The following EMILIN2 variants were observed in gnomAD, a reference collection of about 807,000 sequenced individuals.
EMILIN2 encodes EMILIN-2.
In EMILIN2, 71 loss-of-function variants were observed where a neutral mutation model predicts 87.1. That is an observed-to-expected ratio of 0.82 (90% CI 0.67 to 0.99). The LOEUF is 0.99. EMILIN2 is among the 50% of genes least tolerant of loss of function. EMILIN2 has a pLI of 0.00. For synonymous variants in EMILIN2, 581 were observed against 563.4 expected (o/e 1.03, Z -0.44); for missense variants, 1,407 against 1,371.8 (o/e 1.03, Z -0.40).
intron 2 of EMILIN2, among the ~76,000 whole-genome samples, chr18:2,868,395 G>T (rs1025230278): frequency 6.6e-6 from 1 of 152,248 alleles, no homozygotes. Context: ...CCCCGACAGG[G>T]TGGCGGCTGG....
intron 4 of EMILIN2, among the ~76,000 whole-genome samples, chr18:2,902,736 T>C (rs1487989831): frequency 6.6e-6 from 1 of 152,192 alleles, no homozygotes; most frequent in Admixed American, 6.5e-5. Context: ...ATTAGAATGC[T>C]TTCTAAGAGC....
chr18:2,908,466 G>C (rs1368650073), intron 5 of EMILIN2, among the ~76,000 whole-genome samples: 1 of 152,046 alleles, frequency 6.6e-6, no homozygotes, highest in Non-Finnish European at 1.5e-5. Flanking sequence ...CACACATCAA[G>C]CCGTGCACTC....
At position 2,847,690 on chromosome 18, in the gene EMILIN2, C is replaced by A; in HGVS notation, c.135-119C>A. ...CTGCTCGGTGAAGCTCCCGCCTCCGCAGAGGGCGACGGGCCCCCCCGACCC... is the reference window on the plus strand; with the variant it reads ...CTGCTCGGTGAAGCTCCCGCCTCCGAAGAGGGCGACGGGCCCCCCCGACCC... On this transcript the variant is annotated intron_variant, in intron 1 of 7. Transcript: ENST00000254528. This position sits in a 1 kb window ranked among gnomAD's most constrained non-coding sequence, Gnocchi z 4.5. The A allele has an allele frequency of 6.9e-7, 1 of 1,439,448 alleles. No homozygotes were observed. Among genetic ancestry groups the A allele is most frequent in the Non-Finnish European group, 9.2e-7 (1 of 1,091,772 alleles). 89.2% of individuals were successfully genotyped at this position (1,439,448 alleles called of 1,614,324 possible).
upstream of EMILIN2, chr18:2,846,897 G>C: frequency 3.0e-6 from 3 of 988,268 alleles, no homozygotes; most frequent in Non-Finnish European, 3.6e-6. This position sits in a 1 kb window ranked among gnomAD's most constrained non-coding sequence, Gnocchi z 5.3. Context: ...GAGACTTGGT[G>C]GGGGGAGAGT....
At chr18:2,884,874 A>T (rs1276565629) in intron 2 of EMILIN2, 90 bp from the exon 3 acceptor site, 26 of 1,389,628 alleles carry the variant, frequency 1.9e-5, no homozygotes, top group Non-Finnish European at 2.5e-5. Context: ...AGGGTCCTGC[A>T]TGCCCTGAGT....
At chr18:2,907,134 TC>T (rs2076918341) in intron 5 of EMILIN2, 49 bp downstream of exon 5, 1 of 1,227,452 alleles carries the variant, frequency 8.1e-7, no homozygotes, top group Non-Finnish European at 1.0e-6. Context: ...TCCCGGAACT[TC>T]CGCCTGAGCC....
rs183686267 is a variant in EMILIN2, at chr18:2,858,599, A to G, written c.257+10668A>G. Among the ~76,000 whole-genome samples the G allele has an allele frequency of 1.4e-3, 151 of 110,002 alleles. 8 individuals are homozygous for G. The highest frequency in any genetic ancestry group is 5.4e-3 in the East Asian group (24 of 4,404). The allele number at this position is 110,002 out of a possible 152,430, so 72.2% of individuals were successfully genotyped here. A position where few individuals can be genotyped will look rare whatever the true frequency, so the allele number is the denominator to read the frequency against. On this transcript the variant is annotated intron_variant, in intron 2 of 7. Transcript: ENST00000254528. ...TGTGTGTGTGTATATATATATATAT[A>G]TATGTGTATATATATATATGTTCCA...
chr18:2,857,086 C>T (rs2076631677), intron 2 of EMILIN2, among the ~76,000 whole-genome samples: 1 of 152,176 alleles, frequency 6.6e-6, no homozygotes, highest in Non-Finnish European at 1.5e-5. Context: ...AAGGACTCAG[C>T]TGCCCTTTTT....
At chr18:2,854,792 C>A (rs1436825277) in intron 2 of EMILIN2, among the ~76,000 whole-genome samples, 5 of 151,918 alleles carry the variant, frequency 3.3e-5, no homozygotes, top group Non-Finnish European at 7.4e-5. Context: ...AAAAACAAAA[C>A]AAACAAAAAA....
chr18:2,885,934 T>C (rs2076801547), intron 3 of EMILIN2, among the ~76,000 whole-genome samples: 1 of 152,248 alleles, frequency 6.6e-6, no homozygotes, highest in Non-Finnish European at 1.5e-5. Context: ...AAACTCGTAG[T>C]TCTTCCCAAC....
intron 2 of EMILIN2, among the ~76,000 whole-genome samples, chr18:2,869,920 T>C (rs1218232664): frequency 3.3e-5 from 5 of 151,974 alleles, no homozygotes; most frequent in African/African-American, 1.2e-4. Flanking sequence ...ACAACTGATA[T>C]GGGAAATACA....
At position 2,890,402 on chromosome 18, in the gene EMILIN2, A is replaced by C. The variant is rs112711696; in HGVS notation, c.434-159A>C. Among the ~76,000 whole-genome samples, 1,057 of 152,366 alleles carry C rather than the reference A, an allele frequency of 6.9e-3. 20 individuals carry two copies. Among genetic ancestry groups the C allele is most frequent in the African/African-American group, 0.025 (1,027 of 41,588 alleles). On this transcript the variant is annotated intron_variant, in intron 3 of 7. Coordinates refer to ENST00000254528, the MANE Select transcript of EMILIN2 (RefSeq NM_032048.3). This position sits in a 1 kb window ranked among gnomAD's most constrained non-coding sequence, Gnocchi z 4.7. ...AGAGGTCTATTTGACTACAAAGCCC[A>C]TACTCTTTTCTACTGTACCACAGTA...
chr18:2,913,648 T>TTAA lies in EMILIN2; in HGVS notation c.*244_*245insTAA. 2 of 479,942 alleles carry TTAA rather than the reference T, an allele frequency of 4.2e-6. No homozygotes were observed. Among genetic ancestry groups the TTAA allele is most frequent in the Non-Finnish European group, 3.7e-6 (1 of 270,908 alleles). 29.7% of individuals were successfully genotyped at this position (479,942 alleles called of 1,614,324 possible). ...ACTCTAACTGGACAACTGGAAGACT[T>TTAA]GGAAAGGCCTCCACCTGTATCTACA... On this transcript the variant is annotated 3_prime_UTR_variant, in exon 8 of 8. Coordinates refer to ENST00000254528, the MANE Select transcript of EMILIN2 (RefSeq NM_032048.3).
chr18:2,854,287 G>C (rs181016718), intron 2 of EMILIN2, among the ~76,000 whole-genome samples: 1 of 152,250 alleles, frequency 6.6e-6, no homozygotes, highest in East Asian at 1.9e-4. Context: ...TACCAGTCGG[G>C]GGAGGGATCT....
intron 2 of EMILIN2, among the ~76,000 whole-genome samples, chr18:2,866,784 A>G (rs2076688541): frequency 6.6e-6 from 1 of 152,148 alleles, no homozygotes; most frequent in Non-Finnish European, 1.5e-5. Flanking sequence ...CAGTTCTCAG[A>G]GGGAAAGCTT....
rs760330872 is a variant in EMILIN2, at chr18:2,874,856, G to A, written c.258-10108G>A. On this transcript the variant is annotated intron_variant, in intron 2 of 7. Transcript: ENST00000254528. ...AAACTCTTAATGTCTCCAGATTTTC[G>A]ATGCTTCTGAGTGACTGGCACCGTT... is the stretch of plus-strand genomic sequence containing the variant. 1.2e-4 allele frequency among the ~76,000 whole-genome samples: 18 copies of A among 152,328 alleles called. No individual in the cohort carries two copies. In the South Asian group the frequency reaches 2.1e-3, roughly 18 times the overall value.
intron 2 of EMILIN2, among the ~76,000 whole-genome samples, chr18:2,876,070 CT>C (rs1241533686): frequency 6.6e-6 from 1 of 150,694 alleles, no homozygotes; most frequent in Non-Finnish European, 1.5e-5. Context: ...CAACCTCTGC[CT>C]CCTGGGTTCA....
At chr18:2,910,031 G>GGT (rs773423874) in intron 7 of EMILIN2, among the ~76,000 whole-genome samples, 1 of 152,294 alleles carries the variant, frequency 6.6e-6, no homozygotes, top group Non-Finnish European at 1.5e-5. Context: ...AGGCTGCATG[G>GGT]GTGTGTAACA....
rs1425553415 is a variant in EMILIN2, at chr18:2,915,455, G to A, written c.*2051G>A. 2.0e-5 allele frequency: 3 copies of A among 152,138 alleles called. No homozygotes were observed. The highest frequency in any genetic ancestry group is 4.4e-5 in the Non-Finnish European group (3 of 68,054). 9.4% of individuals were successfully genotyped at this position (152,138 alleles called of 1,614,324 possible). A position where few individuals can be genotyped will look rare whatever the true frequency, so the allele number is the denominator to read the frequency against. ...AGCCCTTCAAGAAGTCATCACCCCT[G>A]AAGTAGTGCCTGCGAGTCAGTCAGA... On this transcript the variant is annotated 3_prime_UTR_variant, in exon 8 of 8. Coordinates refer to ENST00000254528, the MANE Select transcript of EMILIN2 (RefSeq NM_032048.3).
Sources: gnomAD v4.1 joint callset for allele counts (sites outside exome capture counted in the v4.1 genomes callset) on GRCh38, gnomAD v4.1.1 for gene constraint, Gnocchi (gnomAD v3.1) non-coding constraint, MANE v1.5 for transcripts, NCBI Gene and HGNC (gene_info 2026-07-23, HGNC 2026-07-21) for gene names.